WASHC3: variants seen among roughly 807,000 people sequenced by gnomAD.
The protein encoded by WASHC3 is WASH complex subunit 3.
In WASHC3, 24 loss-of-function variants were observed where a neutral mutation model predicts 26.1. The ratio of observed to expected loss-of-function variants is 0.92; its 90% CI spans 0.66 to 1.29. WASHC3 has a LOEUF of 1.29. WASHC3 is among the 50% of genes most tolerant of loss of function. The probability of loss-of-function intolerance (pLI) is 0.00; values close to 1 mark genes in which losing one functional copy is unlikely to be tolerated. For synonymous variants in WASHC3, 77 were observed against 75.7 expected, an observed-to-expected ratio of 1.02 and a Z score of -0.09; for missense variants, 214 against 229.6, an observed-to-expected ratio of 0.93 and a Z score of 0.44.
intron 2 of WASHC3, among the ~76,000 whole-genome samples, chr12:102,059,078 A>T (rs575043303): frequency 6.6e-6 from 1 of 152,280 alleles, no homozygotes; most frequent in East Asian, 1.9e-4. Flanking sequence ...CGGTTAAAGG[A>T]TACAAAATTT....
rs551013949 is a variant in WASHC3 at position 102,034,512 on chromosome 12, A to G, written c.435+5356T>C. Reference sequence around the variant, plus strand: ...AGATACTGCTGAAGAATAATATTTTAGGTGATAACTTATGACATTAGAATG... The same window carrying G: ...AGATACTGCTGAAGAATAATATTTTGGGTGATAACTTATGACATTAGAATG... On this transcript the variant is annotated intron_variant, in intron 5 of 6. Coordinates refer to ENST00000240079, the MANE Select transcript of WASHC3 (RefSeq NM_016053.4). Among the ~76,000 whole-genome samples the G allele has an allele frequency of 1.5e-3, 233 of 152,290 alleles. 1 individual carries two copies. Among genetic ancestry groups the G allele is most frequent in the African/African-American group, 5.4e-3 (224 of 41,586 alleles).
At chr12:102,041,486 C>T (rs1043842746) in intron 4 of WASHC3, among the ~76,000 whole-genome samples, 2 of 151,996 alleles carry the variant, frequency 1.3e-5, no homozygotes, top group Non-Finnish European at 2.9e-5. Flanking sequence ...GAAATCTGAA[C>T]CATGAAATTA....
chr12:102,049,560 TA>T (rs534216834), intron 2 of WASHC3, among the ~76,000 whole-genome samples: 281 of 147,434 alleles, frequency 1.9e-3, no homozygotes, highest in Admixed American at 2.1e-3. Flanking sequence ...TTTATAAAGT[TA>T]AAAAAAAAAG....
At chr12:102,024,203 G>C (rs926948602) in intron 6 of WASHC3, among the ~76,000 whole-genome samples, 2 of 152,172 alleles carry the variant, frequency 1.3e-5, no homozygotes, top group African/African-American at 4.8e-5. Flanking sequence ...TCTGAATCTT[G>C]ATGATAAAAC....
intron 4 of WASHC3, chr12:102,040,188 AACACTAT>A (rs1454574656): frequency 1.0e-5 from 3 of 298,402 alleles, no homozygotes; most frequent in Non-Finnish European, 1.9e-5. Context: ...GTTACATTTC[AACACTAT>A]ATTGGTTCCT....
intron 6 of WASHC3, among the ~76,000 whole-genome samples, chr12:102,016,705 A>G (rs1876721773): frequency 6.6e-6 from 1 of 152,220 alleles, no homozygotes; most frequent in African/African-American, 2.4e-5. Context: ...TGATCCTGAC[A>G]TGACTAGGCC....
At chr12:102,029,408 C>T (rs993070278) in intron 5 of WASHC3, among the ~76,000 whole-genome samples, 4 of 152,102 alleles carry the variant, frequency 2.6e-5, no homozygotes, top group Admixed American at 2.0e-4. Context: ...TCTGTATTTG[C>T]GTCACTGGAG....
intron 5 of WASHC3, among the ~76,000 whole-genome samples, chr12:102,037,400 G>A (rs1877711414): frequency 6.6e-6 from 1 of 152,198 alleles, no homozygotes; most frequent in Admixed American, 6.5e-5. Flanking sequence ...AGGCGTAAAG[G>A]GAATTGGGTA....
At position 102,016,266 on chromosome 12, in the gene WASHC3, G is replaced by A. The variant is rs148892539; in HGVS notation, c.501-3074C>T. Among the ~76,000 whole-genome samples the A allele has an allele frequency of 5.5e-3, 836 of 152,040 alleles. 7 individuals carry two copies. The highest frequency in any genetic ancestry group is 0.018 in the African/African-American group (734 of 41,452). On this transcript the variant is annotated intron_variant, in intron 6 of 6. Transcript: ENST00000240079. ...GTCACCCAGGCTAGGGTGCAGTGGT[G>A]CAATCTTGGCTCACTGCAATCTCTA... is the stretch of plus-strand genomic sequence containing the variant.
rs1224158003 is a variant in WASHC3 at position 102,046,072 on chromosome 12, G to C, written c.198C>G (p.Leu66=). 6.3e-7 allele frequency: 1 copy of C among 1,594,200 alleles called. No individual in the cohort carries two copies. The highest frequency in any genetic ancestry group is 8.6e-7 in the Non-Finnish European group (1 of 1,166,784). ...SLRIQQIETT[L]NILDAKLSSI... Reference sequence around the variant, plus strand: ...TACCAACCTTTGCATCTAAAATATTGAGAGTTGTTTCAATTTGTTGGATAC... The same window carrying C: ...TACCAACCTTTGCATCTAAAATATTCAGAGTTGTTTCAATTTGTTGGATAC... Residue 66 remains leucine, a synonymous_variant, in exon 3 of 7, where the codon CTC becomes CTG. Coordinates refer to ENST00000240079, the MANE Select transcript of WASHC3 (RefSeq NM_016053.4).
chr12:102,016,625 G>C (rs932647841), intron 6 of WASHC3, among the ~76,000 whole-genome samples: 3 of 152,164 alleles, frequency 2.0e-5, no homozygotes, highest in African/African-American at 7.2e-5. Context: ...ATAGAAAATA[G>C]CAGATTCATG....
chr12:102,051,544 C>T (rs1594370011), intron 2 of WASHC3, among the ~76,000 whole-genome samples: 2 of 152,200 alleles, frequency 1.3e-5, no homozygotes, highest in African/African-American at 4.8e-5. Context: ...GGTACTTGTA[C>T]TGCACTCTCT....
chr12:102,048,407 CA>C (rs1193993414), intron 2 of WASHC3: 3 of 151,586 alleles, frequency 2.0e-5, no homozygotes, highest in Middle Eastern at 3.1e-3. Flanking sequence ...ACTAAAAATA[CA>C]AAAAAAATTA....
intron 2 of WASHC3, among the ~76,000 whole-genome samples, chr12:102,055,375 T>C (rs1292324504): frequency 6.6e-6 from 1 of 152,204 alleles, no homozygotes; most frequent in Non-Finnish European, 1.5e-5. Context: ...AGATGGAGTC[T>C]TGCTCTGTCA....
At chr12:102,030,106 A>C (rs930508011) in intron 5 of WASHC3, among the ~76,000 whole-genome samples, 2 of 151,666 alleles carry the variant, frequency 1.3e-5, no homozygotes, top group South Asian at 4.2e-4. Flanking sequence ...GACCAGCCTG[A>C]CCAACATGGA....
At chr12:102,034,636 A>G (rs777514914) in intron 5 of WASHC3, among the ~76,000 whole-genome samples, 1 of 152,204 alleles carries the variant, frequency 6.6e-6, no homozygotes, top group Non-Finnish European at 1.5e-5. Flanking sequence ...CGCTGAAATC[A>G]AAAGATTAAA....
intron 2 of WASHC3, chr12:102,059,873 T>C (rs554757221): frequency 6.6e-6 from 1 of 152,308 alleles, no homozygotes; most frequent in South Asian, 2.1e-4. Context: ...TTTAGAGAGA[T>C]AGTAGGAACG....
In WASHC3 at chr12:102,039,985, A is replaced by G; in HGVS notation, c.325-7T>C. 1 of 1,383,556 alleles carries G rather than the reference A, an allele frequency of 7.2e-7. No homozygotes were observed. Among genetic ancestry groups the G allele is most frequent in the Non-Finnish European group, 1.0e-6 (1 of 981,592 alleles). 85.7% of individuals were successfully genotyped at this position (1,383,556 alleles called of 1,614,324 possible). On this transcript the variant is annotated splice_region_variant and splice_polypyrimidine_tract_variant and intron_variant, in intron 4 of 6. Transcript: ENST00000240079. ...AGTCTTGTGTACTGTTCTGCTGTAG[A>G]GAGTATTTGGTGTAAATCTTTAGAC...
chr12:102,057,909 T>A (rs1878656616), intron 2 of WASHC3, among the ~76,000 whole-genome samples: 1 of 151,250 alleles, frequency 6.6e-6, no homozygotes, highest in African/African-American at 2.4e-5. Context: ...GAAAAAAAAA[T>A]CCTAAAATTC....
Sources: allele counts gnomAD v4.1 joint callset (sites outside exome capture counted in the v4.1 genomes callset), GRCh38; gene constraint gnomAD v4.1.1; transcripts MANE v1.5; gene names NCBI Gene and HGNC (gene_info 2026-07-23, HGNC 2026-07-21).